The following LRRC56 variants were observed in gnomAD, a reference collection of about 807,000 sequenced individuals.
LRRC56 encodes the protein leucine-rich repeat-containing protein 56.
In LRRC56, 41 loss-of-function variants were observed where a neutral mutation model predicts 47.8. The ratio of observed to expected loss-of-function variants is 0.86; its 90% confidence interval spans 0.67 to 1.11. LRRC56 has a LOEUF of 1.11. Among genes scored for constraint, LRRC56 ranks in the 50% most tolerant of loss-of-function variants. LRRC56 has a pLI of 0.00. For synonymous variants in LRRC56, 387 were observed against 311.2 expected (o/e 1.24, Z -2.56); for missense variants, 759 against 704.2 (o/e 1.08, Z -0.88).
chr11:554,882 G>A lies in LRRC56; in HGVS notation c.*606G>A, dbSNP rs550930997. 49 of 838,522 alleles carry A rather than the reference G, an allele frequency of 5.8e-5. No homozygotes were observed. The highest frequency in any genetic ancestry group is 8.3e-5 in the Non-Finnish European group (48 of 576,642). The allele number at this position is 838,522 out of a possible 1,614,324, so 51.9% of individuals were successfully genotyped here. A position where few individuals can be genotyped will look rare whatever the true frequency, so the allele number is the denominator to read the frequency against. On this transcript the variant is annotated 3_prime_UTR_variant, in exon 14 of 14. Transcript: ENST00000270115. ...TACAGAAATGCGGTTTACTTTGTAGGCCACGTTGGTTCAATAAATGATGCA... is the reference window on the plus strand; with the variant it reads ...TACAGAAATGCGGTTTACTTTGTAGACCACGTTGGTTCAATAAATGATGCA...
At chr11:550,346 C>G (rs991935636) in intron 8 of LRRC56, 74 bp downstream of exon 8, 13 of 1,389,552 alleles carry the variant, frequency 9.4e-6, no homozygotes, top group Non-Finnish European at 1.1e-5. Flanking sequence ...CCCGGGGCCC[C>G]TCCTCTGGCC....
chr11:540,994 G>T, intron 4 of LRRC56, 133 bp downstream of exon 4: 1 of 789,242 alleles, frequency 1.3e-6, no homozygotes, highest in Non-Finnish European at 1.9e-6. Flanking sequence ...GTTGGCCTCA[G>T]CCCAGCCCCT....
At chr11:533,485 G>A (rs144001095), upstream of LRRC56, 4 of 1,613,596 alleles carry the variant, frequency 2.5e-6, no homozygotes, top group South Asian at 1.1e-5. Flanking sequence ...TCGATGTAGG[G>A]GATGCCGTAG....
intron 8 of LRRC56, among the ~76,000 whole-genome samples, 160 bp downstream of exon 8, chr11:550,432 G>A (rs1049919489): frequency 7.9e-5 from 12 of 152,140 alleles, no homozygotes; most frequent in Non-Finnish European, 1.2e-4. Context: ...GAAGTCTGAC[G>A]GCTCCCAGGA....
intron 5 of LRRC56, among the ~76,000 whole-genome samples, chr11:542,738 A>C (rs1025597642): frequency 1.3e-5 from 2 of 152,142 alleles, no homozygotes; most frequent in Admixed American, 6.5e-5. Context: ...AGAGTTGGAC[A>C]TGCAACACCC....
At chr11:520,875 G>T in the LRRC56 span, among the ~76,000 whole-genome samples, 2 of 152,144 alleles carry the variant, frequency 1.3e-5, no homozygotes, top group African/African-American at 4.8e-5. Flanking sequence ...TGCACAATGC[G>T]CACCCACCCG....
Position 544,723 on chromosome 11 carries a change from T to TGC in LRRC56, c.270_271dup (p.His91ArgfsTer9). 1.2e-6 allele frequency: 2 copies of TGC among 1,612,080 alleles called. No homozygotes were observed. The highest frequency in any genetic ancestry group is 1.7e-6 in the Non-Finnish European group (2 of 1,179,790). On this transcript the variant is annotated frameshift_variant, in exon 6 of 14. Coordinates refer to ENST00000270115, the MANE Select transcript of LRRC56 (RefSeq NM_198075.4). LOFTEE classifies it high-confidence loss of function. ...TCCTCCTCCTGTGGCCATACAGGGG[T>TGC]GCACCTGCCCAACCTGGACCAACTG...
rs987274980 is a variant in LRRC56, at chr11:537,572, C to G, written c.-455C>G. ...GAGGTGGAGGGCGCCCAGGGCCGAG[C>G]TGCCAGGGCCGGACACCTAGGCTGA... On this transcript the variant is annotated 5_prime_UTR_variant, in exon 1 of 14. Coordinates refer to ENST00000270115, the MANE Select transcript of LRRC56 (RefSeq NM_198075.4). 2 of 152,346 alleles carry G rather than the reference C, an allele frequency of 1.3e-5. No homozygotes were observed. The highest frequency in any genetic ancestry group is 2.4e-5 in the African/African-American group (1 of 41,472). 9.4% of individuals were successfully genotyped at this position (152,346 alleles called of 1,614,324 possible).
the LRRC56 span, among the ~76,000 whole-genome samples, chr11:512,736 A>G: frequency 6.6e-6 from 1 of 152,248 alleles, no homozygotes; most frequent in Non-Finnish European, 1.5e-5. Context: ...TCTCAATACT[A>G]TATGAGTGGT....
chr11:507,878 C>A, the LRRC56 span, among the ~76,000 whole-genome samples: 1 of 152,236 alleles, frequency 6.6e-6, no homozygotes, highest in Non-Finnish European at 1.5e-5. Flanking sequence ...GCCGCGGCCT[C>A]GTCCCGAGTG....
At chr11:550,986 C>T in intron 8 of LRRC56, 145 bp from the exon 9 acceptor site, 2 of 530,320 alleles carry the variant, frequency 3.8e-6, no homozygotes, top group South Asian at 2.8e-5. Flanking sequence ...CCCAAGCCCA[C>T]CCCTGCAGGG....
In LRRC56 at chr11:554,895, A is replaced by C; in HGVS notation, c.*619A>C. ...TTTACTTTGTAGGCCACGTTGGTTC[A>C]ATAAATGATGCAGCGGACACAGCCC... On this transcript the variant is annotated 3_prime_UTR_variant, in exon 14 of 14. Transcript: ENST00000270115. 1 of 978,066 alleles carries C rather than the reference A, an allele frequency of 1.0e-6. No homozygotes were observed. The highest frequency in any genetic ancestry group is 1.8e-5 in the South Asian group (1 of 55,284). The allele number at this position is 978,066 out of a possible 1,614,324, so 60.6% of individuals were successfully genotyped here. A position where few individuals can be genotyped will look rare whatever the true frequency, so the allele number is the denominator to read the frequency against.
rs766559885 is a variant in LRRC56 at position 541,668 on chromosome 11, C to T, written c.265+44C>T. 1 of 1,241,156 alleles carries T rather than the reference C, an allele frequency of 8.1e-7. No individual in the cohort carries two copies. Among genetic ancestry groups the T allele is most frequent in the Non-Finnish European group, 1.1e-6 (1 of 881,728 alleles). 76.9% of individuals were successfully genotyped at this position (1,241,156 alleles called of 1,614,324 possible). On this transcript the variant is annotated intron_variant, in intron 5 of 13. Transcript: ENST00000270115. The surrounding 1 kb of genome is among the most constrained non-coding windows in gnomAD (Gnocchi z 4.1). ...CGCCATGGCCACGGCCACGGCCACGCCTCCCTGTAAACAACACACGTTTCC... is the reference window on the plus strand; with the variant it reads ...CGCCATGGCCACGGCCACGGCCACGTCTCCCTGTAAACAACACACGTTTCC...
chr11:527,949 G>A, the LRRC56 span, among the ~76,000 whole-genome samples: 4 of 152,040 alleles, frequency 2.6e-5, no homozygotes, highest in South Asian at 6.2e-4. Context: ...TGATCCGCCC[G>A]CCTCGGCCTC....
chr11:532,692 T>G, upstream of LRRC56: 3 of 1,613,202 alleles, frequency 1.9e-6, no homozygotes, highest in Non-Finnish European at 2.5e-6. Flanking sequence ...TCAGGAGGGT[T>G]CAGCTTCCGC....
chr11:517,275 C>T, the LRRC56 span, among the ~76,000 whole-genome samples: 19 of 151,968 alleles, frequency 1.3e-4, no homozygotes, highest in African/African-American at 4.4e-4. Context: ...GCCACCCCGT[C>T]TGGGAGGTGA....
chr11:552,014 T>C (rs1233500633), intron 11 of LRRC56, 47 bp downstream of exon 11: 1 of 1,609,904 alleles, frequency 6.2e-7, no homozygotes, highest in Non-Finnish European at 8.5e-7. Context: ...GTGTCCAGGG[T>C]TGCGGCCCTG....
chr11:508,192 G>T, the LRRC56 span, among the ~76,000 whole-genome samples: 1 of 152,172 alleles, frequency 6.6e-6, no homozygotes, highest in Non-Finnish European at 1.5e-5. Context: ...TCGAGACAGG[G>T]TCTCACTCCA....
In LRRC56 at chr11:540,748, G is replaced by A; in HGVS notation, c.64G>A (p.Glu22Lys). 6.2e-7 allele frequency: 1 copy of A among 1,611,946 alleles called. No individual in the cohort carries two copies. The highest frequency in any genetic ancestry group is 8.5e-7 in the Non-Finnish European group (1 of 1,179,710). Residue 22 changes from glutamate (E) to lysine (K), a missense_variant, in exon 4 of 14, where the codon GAG becomes AAG. Glu to Lys is a moderately conservative substitution (Grantham distance 56). Transcript: ENST00000270115. ...GAGCACCTCCAGCGTCCGGGTGCGG[G>A]AGCTGAGCTGGCAAGGCCTGCACAA... is the stretch of plus-strand genomic sequence containing the variant. ...RRSTSSVRVRELSWQGLHNPC... is the reference protein window; with the variant it reads ...RRSTSSVRVRKLSWQGLHNPC...
Sources: gnomAD v4.1 joint callset for allele counts (sites outside exome capture counted in the v4.1 genomes callset) on GRCh38, gnomAD v4.1.1 for gene constraint, Gnocchi (gnomAD v3.1) non-coding constraint, MANE v1.5 for transcripts, NCBI Gene and HGNC (gene_info 2026-07-23, HGNC 2026-07-21) for gene names.